The following SPAG17 variants were observed in gnomAD, a reference collection of about 807,000 sequenced individuals.
SPAG17 encodes sperm-associated antigen 17.
In SPAG17, 169 loss-of-function variants were observed where a neutral mutation model predicts 273.6. The ratio of observed to expected loss-of-function variants is 0.62; its 90% CI spans 0.55 to 0.70. The LOEUF (loss-of-function observed/expected upper bound fraction) is 0.70. SPAG17 is among the 30% of genes least tolerant of loss of function. The pLI, the probability that SPAG17 is intolerant of heterozygous loss-of-function variation, is 0.00. For synonymous variants in SPAG17, 825 were observed against 873.2 expected (o/e 0.94, Z 0.97); for missense variants, 2,557 against 2,627.8 (o/e 0.97, Z 0.59).
At chr1:118,178,415 A>G (rs1473189289) in intron 1 of SPAG17, among the ~76,000 whole-genome samples, 1 of 151,982 alleles carries the variant, frequency 6.6e-6, no homozygotes, top group African/African-American at 2.4e-5. Flanking sequence ...TGAAAACCAT[A>G]AAAAACTGGG....
In SPAG17 at chr1:118,086,708, T is replaced by C. The variant is rs1211702475; in HGVS notation, c.1574A>G (p.Tyr525Cys). The stretch of plus-strand genomic sequence containing the variant: ...CTTCTTGTGGGCGTGTGCATCATGA[T>C]AGTTCAGTAGGAGGGGGCCTTTGGG... ...AVPKGPLLLN[Y>C]HDAHAHKKYA... Residue 525 changes from tyrosine to cysteine, a missense_variant, in exon 12 of 49, where the codon TAT becomes TGT. Physicochemically the swap from Tyr to Cys is radical, Grantham distance 194. Coordinates refer to ENST00000336338, the MANE Select transcript of SPAG17 (RefSeq NM_206996.4). 6.2e-7 allele frequency: 1 copy of C among 1,614,078 alleles called. No individual in the cohort carries two copies. Among genetic ancestry groups the C allele is most frequent in the Admixed American group, 1.7e-5 (1 of 59,998 alleles).
chr1:117,963,615 C>T (rs1299232176), intron 48 of SPAG17, 184 bp downstream of exon 48: 5 of 419,044 alleles, frequency 1.2e-5, no homozygotes, highest in African/African-American at 4.0e-5. Context: ...CCACCCACCT[C>T]GGCCTCCCAA....
chr1:118,075,559 T>C (rs985152285), intron 15 of SPAG17, among the ~76,000 whole-genome samples: 5 of 152,348 alleles, frequency 3.3e-5, no homozygotes, highest in East Asian at 1.9e-4. Context: ...TTTTGCAAAT[T>C]TGATCACAGA....
chr1:118,023,406 G>A lies in SPAG17; in HGVS notation c.3967C>T (p.Pro1323Ser). 6.2e-7 allele frequency: 1 copy of A among 1,612,248 alleles called. No individual in the cohort carries two copies. Among genetic ancestry groups the A allele is most frequent in the Non-Finnish European group, 8.5e-7 (1 of 1,178,786 alleles). Residue 1323 changes from proline to serine, a missense_variant, in exon 28 of 49, where the codon CCT becomes TCT. Physicochemically the swap from Pro to Ser is moderately conservative, Grantham distance 74 (BLOSUM62 -1). Coordinates refer to ENST00000336338, the MANE Select transcript of SPAG17 (RefSeq NM_206996.4). ...RSPNSGLICPPSEMPATPHSG... is the reference protein window; with the variant it reads ...RSPNSGLICPSSEMPATPHSG... Reference sequence around the variant, plus strand: ...TGAGGCGTTGCTGGCATTTCAGAAGGAGGACAAATAAGACCTGAATTGGGA... The same window carrying A: ...TGAGGCGTTGCTGGCATTTCAGAAGAAGGACAAATAAGACCTGAATTGGGA...
intron 17 of SPAG17, among the ~76,000 whole-genome samples, chr1:118,071,035 G>A (rs1449771752): frequency 2.0e-5 from 3 of 151,208 alleles, no homozygotes; most frequent in Non-Finnish European, 4.4e-5. Flanking sequence ...TTTTTTCATG[G>A]AGAATTTAAA....
chr1:117,971,363 G>A (rs1358832425), intron 45 of SPAG17, among the ~76,000 whole-genome samples: 2 of 152,238 alleles, frequency 1.3e-5, no homozygotes, highest in African/African-American at 2.4e-5. Flanking sequence ...TAGCTGACAA[G>A]ATGTTACAAC....
intron 4 of SPAG17, among the ~76,000 whole-genome samples, chr1:118,106,459 G>A (rs898872720): frequency 6.6e-6 from 1 of 152,134 alleles, no homozygotes; most frequent in African/African-American, 2.4e-5. Context: ...GCACAAGTCA[G>A]TGCCCCTGAG....
intron 32 of SPAG17, among the ~76,000 whole-genome samples, chr1:117,997,566 T>TAAAAAAAAAAAAAAA (rs11428560): frequency 8.1e-6 from 1 of 123,398 alleles, no homozygotes; most frequent in Non-Finnish European, 1.7e-5. Flanking sequence ...GAATGAGAAG[T>TAAAAAAAAAAAAAAA]AAAAAAAAAA....
chr1:117,990,451 A>G (rs987803812), intron 38 of SPAG17, among the ~76,000 whole-genome samples: 1 of 152,196 alleles, frequency 6.6e-6, no homozygotes, highest in Non-Finnish European at 1.5e-5. Flanking sequence ...AACTACTTGC[A>G]CTACATACAG....
chr1:118,037,954 T>C (rs1386096436), intron 23 of SPAG17, among the ~76,000 whole-genome samples: 2 of 152,100 alleles, frequency 1.3e-5, no homozygotes, highest in Non-Finnish European at 2.9e-5. Flanking sequence ...GAAATTCAAA[T>C]GAACCATGGA....
At chr1:118,065,821 C>G (rs1019205040) in intron 18 of SPAG17, among the ~76,000 whole-genome samples, 9 of 151,280 alleles carry the variant, frequency 5.9e-5, no homozygotes, top group Non-Finnish European at 8.9e-5. Flanking sequence ...TACATAAATC[C>G]TAGAGCAAAA....
intron 43 of SPAG17, among the ~76,000 whole-genome samples, chr1:117,975,681 G>T (rs191578071): frequency 1.1e-4 from 17 of 152,296 alleles, no homozygotes; most frequent in African/African-American, 4.1e-4. Flanking sequence ...TGCCAGTAAA[G>T]CCCTATTCCT....
Position 118,039,288 on chromosome 1 carries a change from T to C in SPAG17, c.3319+4A>G, listed in dbSNP as rs1182044102. The C allele has an allele frequency of 1.9e-6, 3 of 1,612,166 alleles. No individual in the cohort carries two copies. The highest frequency in any genetic ancestry group is 2.5e-6 in the Non-Finnish European group (3 of 1,179,064). On this transcript the variant is annotated splice_donor_region_variant and intron_variant, in intron 23 of 48. Coordinates refer to ENST00000336338, the MANE Select transcript of SPAG17 (RefSeq NM_206996.4). Reference sequence around the variant, plus strand: ...AAGAAAGAAACCACTAAACAGCAGCTTACCCGTTTCAAGACTTTGTTCCTC... The same window carrying C: ...AAGAAAGAAACCACTAAACAGCAGCCTACCCGTTTCAAGACTTTGTTCCTC...
intron 1 of SPAG17, among the ~76,000 whole-genome samples, chr1:118,171,142 G>GA (rs1049870560): frequency 1.3e-5 from 2 of 152,102 alleles, no homozygotes; most frequent in Admixed American, 6.6e-5. Context: ...AGATGTTATA[G>GA]AAAAAATCAA....
chr1:118,059,798 C>G (rs1446617360), intron 18 of SPAG17, among the ~76,000 whole-genome samples: 1 of 152,014 alleles, frequency 6.6e-6, no homozygotes, highest in Non-Finnish European at 1.5e-5. Context: ...ATATCTTTTT[C>G]TCTCTCCTCA....
intron 9 of SPAG17, 70 bp from the exon 10 acceptor site, chr1:118,091,788 C>CA: frequency 7.3e-7 from 1 of 1,364,978 alleles, no homozygotes; most frequent in Non-Finnish European, 1.0e-6. Context: ...AAATTTCATG[C>CA]ATAATTTCAA....
At chr1:118,112,136 GT>G (rs1656800516) in intron 4 of SPAG17, among the ~76,000 whole-genome samples, 2 of 151,694 alleles carry the variant, frequency 1.3e-5, no homozygotes, top group African/African-American at 4.8e-5. Flanking sequence ...TAATTATCAA[GT>G]GTTTTCTTTT....
intron 1 of SPAG17, among the ~76,000 whole-genome samples, chr1:118,166,715 C>A (rs1660185941): frequency 1.3e-5 from 2 of 152,096 alleles, no homozygotes; most frequent in South Asian, 4.1e-4. Context: ...ATTGCAGGTG[C>A]TATTTTGTCT....
intron 26 of SPAG17, among the ~76,000 whole-genome samples, chr1:118,027,870 C>A (rs928181240): frequency 6.6e-6 from 1 of 152,062 alleles, no homozygotes; most frequent in Admixed American, 6.6e-5. Flanking sequence ...TTGGTCAGAC[C>A]AGCAACATGC....
Sources: gnomAD v4.1 joint callset for allele counts (sites outside exome capture counted in the v4.1 genomes callset) on GRCh38, gnomAD v4.1.1 for gene constraint, MANE v1.5 for transcripts, NCBI Gene and HGNC (gene_info 2026-07-23, HGNC 2026-07-21) for gene names.